Variants in DCC observed in about 807,000 individuals in gnomAD.
DCC encodes netrin receptor DCC.
DCC carries 58 observed loss-of-function variants against 172.5 expected under a neutral mutation model. That is an observed-to-expected ratio of 0.34 (90% CI 0.27 to 0.42). DCC has a LOEUF of 0.42. DCC is among the 10% of genes least tolerant of loss of function. The pLI is 1.00. For synonymous variants in DCC, 709 were observed against 644.5 expected (o/e 1.10, Z -1.52); for missense variants, 1,740 against 1,791.0 (o/e 0.97, Z 0.51).
At chr18:53,110,886 A>G (rs71358731) in intron 7 of DCC, among the ~76,000 whole-genome samples, 1 of 124,576 alleles carries the variant, frequency 8.0e-6, no homozygotes, top group South Asian at 3.1e-4. Flanking sequence ...TGACCCAGCC[A>G]TCCCATTACT....
At chr18:53,096,534 T>C (rs9959803) in intron 7 of DCC, among the ~76,000 whole-genome samples, 15,527 of 152,128 alleles carry the variant, frequency 0.1, 1,200 homozygotes, top group East Asian at 0.36. Context: ...AGATTTTGTT[T>C]GTGTGATTCC....
intron 12 of DCC, among the ~76,000 whole-genome samples, chr18:53,240,996 G>A (rs1397696197): frequency 6.6e-6 from 1 of 152,082 alleles, no homozygotes; most frequent in Non-Finnish European, 1.5e-5. Flanking sequence ...AAATGTGCTG[G>A]GGAGTTGGAA....
intron 26 of DCC, among the ~76,000 whole-genome samples, chr18:53,498,542 G>A (rs1412029272): frequency 3.8e-5 from 5 of 129,930 alleles, no homozygotes; most frequent in African/African-American, 1.2e-4. Context: ...ATTTTATTCT[G>A]TCTTAACTGT....
intron 1 of DCC, among the ~76,000 whole-genome samples, chr18:52,684,437 T>C (rs1333429335): frequency 6.6e-6 from 1 of 152,042 alleles, no homozygotes. Context: ...TAGGTAATGA[T>C]GGTAATGATA....
chr18:53,309,435 C>T (rs2057238948), intron 13 of DCC, among the ~76,000 whole-genome samples: 3 of 152,106 alleles, frequency 2.0e-5, no homozygotes, highest in Admixed American at 2.0e-4. Context: ...CTGTAAAGAC[C>T]CTATTTCCAA....
At chr18:53,007,710 T>A (rs1033636010) in intron 5 of DCC, among the ~76,000 whole-genome samples, 1 of 152,170 alleles carries the variant, frequency 6.6e-6, no homozygotes, top group South Asian at 2.1e-4. Context: ...GGGAAATTTA[T>A]GTTCCCAAAA....
At chr18:53,079,422 A>G (rs2042767731) in intron 7 of DCC, among the ~76,000 whole-genome samples, 1 of 152,148 alleles carries the variant, frequency 6.6e-6, no homozygotes, top group Admixed American at 6.6e-5. Flanking sequence ...TCAACTGATA[A>G]AAATGGTAAA....
intron 12 of DCC, among the ~76,000 whole-genome samples, chr18:53,217,790 T>C (rs574545982): frequency 4.2e-4 from 64 of 152,274 alleles, no homozygotes; most frequent in African/African-American, 1.4e-3. Context: ...AGAAACATTA[T>C]AGTTGAATAA....
At chr18:53,174,722 T>G (rs1194150997) in intron 8 of DCC, among the ~76,000 whole-genome samples, 1 of 147,068 alleles carries the variant, frequency 6.8e-6, no homozygotes, top group Non-Finnish European at 1.5e-5. Flanking sequence ...ACCAGATGGA[T>G]TCACAGCCGA....
At chr18:52,961,832 A>G (rs527878757) in intron 5 of DCC, among the ~76,000 whole-genome samples, 313 of 152,250 alleles carry the variant, frequency 2.1e-3, no homozygotes, top group Non-Finnish European at 3.3e-3. Context: ...ATCTTTGACA[A>G]ACCTGAGAAA....
intron 1 of DCC, among the ~76,000 whole-genome samples, chr18:52,531,402 C>G (rs1299186282): frequency 6.6e-6 from 1 of 152,108 alleles, no homozygotes; most frequent in Non-Finnish European, 1.5e-5. Flanking sequence ...TTAGTTAACA[C>G]CAGCTTTAAC....
At chr18:53,408,571 A>T (rs552158715) in intron 19 of DCC, among the ~76,000 whole-genome samples, 2 of 152,196 alleles carry the variant, frequency 1.3e-5, no homozygotes, top group Non-Finnish European at 2.9e-5. Flanking sequence ...CCTGTCTTCT[A>T]TCGGTTAGAA....
At chr18:53,438,183 A>C (rs980307289) in intron 22 of DCC, among the ~76,000 whole-genome samples, 7 of 152,126 alleles carry the variant, frequency 4.6e-5, no homozygotes, top group African/African-American at 1.7e-4. Context: ...TCAAGGGAAT[A>C]CTATCTATAC....
At chr18:52,933,716 T>A (rs1292699493) in intron 5 of DCC, among the ~76,000 whole-genome samples, 1 of 152,044 alleles carries the variant, frequency 6.6e-6, no homozygotes, top group Non-Finnish European at 1.5e-5. Flanking sequence ...AATCTTCAAT[T>A]CCTTCATTAT....
intron 1 of DCC, among the ~76,000 whole-genome samples, chr18:52,365,543 G>T (rs371786169): frequency 7.9e-5 from 12 of 152,136 alleles, no homozygotes; most frequent in Middle Eastern, 3.4e-3. Context: ...TATGGTCTGA[G>T]GTACGAGGGG....
At chr18:53,290,486 T>C (rs1297545589) in intron 12 of DCC, among the ~76,000 whole-genome samples, 2 of 152,158 alleles carry the variant, frequency 1.3e-5, no homozygotes, top group Non-Finnish European at 2.9e-5. Flanking sequence ...CATAAATACA[T>C]TGTAATGTCC....
intron 5 of DCC, among the ~76,000 whole-genome samples, chr18:52,989,922 G>A (rs2041356936): frequency 6.6e-6 from 1 of 152,184 alleles, no homozygotes; most frequent in Non-Finnish European, 1.5e-5. Flanking sequence ...GGTAGAGACA[G>A]AGGTCTGCAG....
intron 1 of DCC, among the ~76,000 whole-genome samples, chr18:52,374,390 C>T (rs1985257798): frequency 6.6e-6 from 1 of 152,080 alleles, no homozygotes; most frequent in Admixed American, 6.6e-5. Context: ...CAGAGCAGCT[C>T]CTCCAGAACA....
intron 1 of DCC, among the ~76,000 whole-genome samples, chr18:52,459,662 G>C (rs1268801848): frequency 1.3e-5 from 2 of 151,800 alleles, no homozygotes; most frequent in African/African-American, 2.4e-5. Context: ...GTAGAGACGG[G>C]GTTTCACCAT....
Sources: allele counts gnomAD v4.1 joint callset (sites outside exome capture counted in the v4.1 genomes callset), GRCh38; gene constraint gnomAD v4.1.1; transcripts MANE v1.5; gene names NCBI Gene and HGNC (gene_info 2026-07-23, HGNC 2026-07-21).